Variants in SPIRE1 observed in about 807,000 individuals in gnomAD.
SPIRE1 encodes the protein protein spire homolog 1.
In SPIRE1, 40 loss-of-function variants were observed where a neutral mutation model predicts 94.1. That is an observed-to-expected ratio of 0.43 (90% CI 0.33 to 0.55). The LOEUF (loss-of-function observed/expected upper bound fraction) is 0.55, where lower values mean the gene tolerates loss of function less well. Ranked by LOEUF, SPIRE1 falls within the 20% of genes least tolerant of loss-of-function variation. SPIRE1 has a pLI of 0.06. For synonymous variants in SPIRE1, 376 were observed against 371.7 expected (o/e 1.01, Z -0.13); for missense variants, 838 against 975.2 (o/e 0.86, Z 1.87).
intron 2 of SPIRE1, among the ~76,000 whole-genome samples, chr18:12,553,997 A>G (rs1038282324): frequency 6.6e-6 from 1 of 152,184 alleles, no homozygotes; most frequent in African/African-American, 2.4e-5. Context: ...AAGACGTAAA[A>G]GGAGACATTA....
At position 12,567,113 on chromosome 18, in the gene SPIRE1, T is replaced by A. The variant is rs1399125543; in HGVS notation, c.373-20209A>T. Among the ~76,000 whole-genome samples, 9 of 152,244 alleles carry A rather than the reference T, an allele frequency of 5.9e-5. No homozygotes were observed. The East Asian group carries it at 1.7e-3, about 29-fold the overall frequency. The stretch of plus-strand genomic sequence containing the variant: ...AAATCCCTCTGGAACTAATAAGCAA[T>A]TATAGCAAGGTTGCAGGATACAAGG... On this transcript the variant is annotated intron_variant, in intron 2 of 16. Coordinates refer to ENST00000409402, the MANE Select transcript of SPIRE1 (RefSeq NM_001128626.2).
At chr18:12,469,573 A>G (rs180859019) in intron 10 of SPIRE1, among the ~76,000 whole-genome samples, 27 of 145,514 alleles carry the variant, frequency 1.9e-4, no homozygotes, top group Non-Finnish European at 3.6e-4. Flanking sequence ...TAAATTATAT[A>G]TATTATATAT....
chr18:12,513,986 G>A (rs1194144587), intron 4 of SPIRE1, among the ~76,000 whole-genome samples: 1 of 152,066 alleles, frequency 6.6e-6, no homozygotes, highest in Non-Finnish European at 1.5e-5. Flanking sequence ...TGGCACTACA[G>A]GTGTGCACCC....
At chr18:12,490,080 T>G (rs578129577) in intron 8 of SPIRE1, among the ~76,000 whole-genome samples, 1 of 152,272 alleles carries the variant, frequency 6.6e-6, no homozygotes, top group East Asian at 1.9e-4. Flanking sequence ...AATCCCTTAC[T>G]TTACAATTAG....
At chr18:12,659,597 G>A (rs185478221), upstream of SPIRE1, among the ~76,000 whole-genome samples, 2 of 152,232 alleles carry the variant, frequency 1.3e-5, no homozygotes, top group Non-Finnish European at 2.9e-5. Context: ...TTGAACCTGG[G>A]AGGTGGAAGT....
chr18:12,506,486 T>G lies in SPIRE1; in HGVS notation c.963A>C (p.Arg321=), dbSNP rs749330992. Residue 321 remains arginine, a synonymous_variant, in exon 6 of 17, where the codon CGA becomes CGC. Transcript: ENST00000409402. ...DDIRCKRYTL[R]KVMVNGDIPP... ...CAGCTTGGTTACTTACCATCACTTT[T>G]CGCAAGGTGTATCTTTTGCAGCGAA... 6.2e-6 allele frequency: 10 copies of G among 1,613,922 alleles called. No homozygotes were observed. Among genetic ancestry groups the G allele is most frequent in the Non-Finnish European group, 8.5e-6 (10 of 1,180,000 alleles).
At chr18:12,544,588 T>G (rs1409535663) in intron 3 of SPIRE1, among the ~76,000 whole-genome samples, 1 of 148,214 alleles carries the variant, frequency 6.7e-6, no homozygotes, top group East Asian at 2.1e-4. Flanking sequence ...CAAGTGATCC[T>G]CCCACCTGGG....
intron 2 of SPIRE1, among the ~76,000 whole-genome samples, chr18:12,615,276 C>T (rs1156857283): frequency 7.9e-6 from 1 of 127,188 alleles, no homozygotes; most frequent in Non-Finnish European, 1.6e-5. Context: ...TGCAGTGAGC[C>T]GAGATTGGCC....
At chr18:12,552,487 T>C (rs1301204097) in intron 2 of SPIRE1, among the ~76,000 whole-genome samples, 1 of 152,072 alleles carries the variant, frequency 6.6e-6, no homozygotes, top group Non-Finnish European at 1.5e-5. Flanking sequence ...AGACCACCCC[T>C]CATATTGTCT....
intron 4 of SPIRE1, among the ~76,000 whole-genome samples, chr18:12,520,116 A>C (rs543011107): frequency 2.0e-5 from 3 of 152,252 alleles, no homozygotes; most frequent in Non-Finnish European, 4.4e-5. Context: ...AAAGCTATTT[A>C]CTGATATGAA....
intron 2 of SPIRE1, among the ~76,000 whole-genome samples, chr18:12,584,287 G>A (rs1003386336): frequency 2.6e-5 from 4 of 151,970 alleles, no homozygotes; most frequent in South Asian, 2.1e-4. Context: ...AAAATTAGCC[G>A]GGCATGGTGG....
intron 2 of SPIRE1, among the ~76,000 whole-genome samples, chr18:12,593,118 T>C (rs1334958509): frequency 6.6e-6 from 1 of 152,250 alleles, no homozygotes; most frequent in Non-Finnish European, 1.5e-5. Context: ...GGTTTTAAAT[T>C]GGTTTAAACT....
intron 1 of SPIRE1, chr18:12,656,645 A>G: frequency 1.1e-6 from 1 of 919,718 alleles, no homozygotes; most frequent in Non-Finnish European, 1.3e-6. Flanking sequence ...TTTTTAATAG[A>G]CTTGCCTCTC....
At position 12,447,103 on chromosome 18, in the gene SPIRE1, A is replaced by C. The variant is rs978526557; in HGVS notation, c.*2535T>G. 6.6e-5 allele frequency: 10 copies of C among 152,200 alleles called. No individual in the cohort carries two copies. Among genetic ancestry groups the C allele is most frequent in the African/African-American group, 2.2e-4 (9 of 41,444 alleles). 9.4% of individuals were successfully genotyped at this position (152,200 alleles called of 1,614,324 possible). On this transcript the variant is annotated 3_prime_UTR_variant, in exon 17 of 17. Coordinates refer to ENST00000409402, the MANE Select transcript of SPIRE1 (RefSeq NM_001128626.2). Reference sequence around the variant, plus strand: ...GGAGTTAAGCCATGGAGAGGGAAGCACAGGTTTCCCAATAGTGTGACTTCA... The same window carrying C: ...GGAGTTAAGCCATGGAGAGGGAAGCCCAGGTTTCCCAATAGTGTGACTTCA...
At chr18:12,592,014 A>C (rs1367039918) in intron 2 of SPIRE1, among the ~76,000 whole-genome samples, 1 of 150,168 alleles carries the variant, frequency 6.7e-6, no homozygotes, top group Admixed American at 6.6e-5. Flanking sequence ...GTTTGGGGGG[A>C]AAAAATCAGG....
chr18:12,545,878 G>C (rs2035147392), intron 3 of SPIRE1, among the ~76,000 whole-genome samples: 1 of 151,974 alleles, frequency 6.6e-6, no homozygotes, highest in African/African-American at 2.4e-5. Flanking sequence ...AATGATAAGG[G>C]GTATATAATA....
In SPIRE1 at chr18:12,512,463, GT is replaced by G; in HGVS notation, c.797del (p.Asn266ThrfsTer11). 6.2e-7 allele frequency: 1 copy of G among 1,609,966 alleles called. No individual in the cohort carries two copies. ...ESSTDLEELK[N>X]ADWARFWVQV... Reference sequence around the variant, plus strand: ...CATTTCCAGCTCTTACCCAGTCAGCGTTTTTCAGCTCTTCCAAGTCTGTGCT... The same window carrying G: ...CATTTCCAGCTCTTACCCAGTCAGCGTTTTCAGCTCTTCCAAGTCTGTGCT... On this transcript the variant is annotated frameshift_variant, in exon 5 of 17. Transcript: ENST00000409402. LOFTEE classifies it high-confidence loss of function.
intron 2 of SPIRE1, among the ~76,000 whole-genome samples, chr18:12,567,481 G>A (rs865819858): frequency 6.6e-6 from 1 of 152,072 alleles, no homozygotes; most frequent in South Asian, 2.1e-4. Context: ...ATATAAAAAG[G>A]CAAAGGACCC....
chr18:12,594,434 G>A (rs574281757), intron 2 of SPIRE1, among the ~76,000 whole-genome samples: 1 of 152,216 alleles, frequency 6.6e-6, no homozygotes, highest in East Asian at 1.9e-4. Flanking sequence ...AACAGAAAAT[G>A]TTCATTAAAA....
Sources: gnomAD v4.1 joint callset for allele counts (sites outside exome capture counted in the v4.1 genomes callset) on GRCh38, gnomAD v4.1.1 for gene constraint, MANE v1.5 for transcripts, NCBI Gene and HGNC (gene_info 2026-07-23, HGNC 2026-07-21) for gene names.